The following KLRD1 variants were observed in gnomAD, a reference collection of about 807,000 sequenced individuals.
The protein encoded by KLRD1 is killer cell lectin like receptor D1.
Under a neutral mutation model 22.6 loss-of-function variants are expected in KLRD1, and 21 were observed. The ratio of observed to expected loss-of-function variants is 0.93; its 90% CI spans 0.66 to 1.34. The LOEUF is 1.34. Ranked by LOEUF, KLRD1 falls within the 40% of genes most tolerant of loss-of-function variation. The pLI is 0.00. For synonymous variants in KLRD1, 59 were observed against 71.1 expected, an observed-to-expected ratio of 0.83 and a Z score of 0.85; for missense variants, 183 against 208.6, an observed-to-expected ratio of 0.88 and a Z score of 0.76.
intron 1 of KLRD1, among the ~76,000 whole-genome samples, chr12:10,256,574 G>A (rs1949398456): frequency 1.3e-5 from 2 of 150,950 alleles, no homozygotes; most frequent in Admixed American, 6.6e-5. Flanking sequence ...AACTTCAGTG[G>A]CAAACTAAAA....
At position 10,274,219 on chromosome 12, in the gene KLRD1, G is replaced by A. The variant is rs149653488; in HGVS notation, c.-100-33759G>A. Among the ~76,000 whole-genome samples, 266 of 152,282 alleles carry A rather than the reference G, an allele frequency of 1.7e-3. 5 individuals carry two copies. The East Asian group carries it at 0.048, about 28-fold the overall frequency. On this transcript the variant is annotated intron_variant, in intron 1 of 5. Coordinates refer to the KLRD1 transcript ENST00000544747. ...CGCTTGAACCCGGGAGGCAGAGGTT[G>A]TAGTGAGCTGAGATCGCGCCATTGC...
At chr12:10,240,939 A>G (rs1949235713) in intron 1 of KLRD1, among the ~76,000 whole-genome samples, 1 of 152,104 alleles carries the variant, frequency 6.6e-6, no homozygotes, top group African/African-American at 2.4e-5. Context: ...GCACCTCCGT[A>G]TGTAGTTCAA....
intron 2 of KLRD1, 70 bp from the exon 3 acceptor site, chr12:10,309,556 C>T: frequency 7.7e-7 from 1 of 1,292,060 alleles, no homozygotes; most frequent in South Asian, 1.2e-5. Context: ...CTTCATCTTG[C>T]TAATGTGTAA....
At chr12:10,311,742 A>G (rs1168308244) in intron 4 of KLRD1, 127 bp downstream of exon 4, 5 of 781,430 alleles carry the variant, frequency 6.4e-6, no homozygotes, top group African/African-American at 1.7e-5. Context: ...GAATTGAGTT[A>G]TCTGTTCTGT....
At chr12:10,266,899 G>T (rs1456883082) in intron 1 of KLRD1, among the ~76,000 whole-genome samples, 2 of 138,106 alleles carry the variant, frequency 1.4e-5, no homozygotes, top group African/African-American at 2.7e-5. Flanking sequence ...AATAATTCCA[G>T]CATTTATTAC....
intron 1 of KLRD1, among the ~76,000 whole-genome samples, chr12:10,240,412 C>T (rs1486191217): frequency 6.6e-6 from 1 of 151,590 alleles, no homozygotes; most frequent in Non-Finnish European, 1.5e-5. Context: ...CATTGTTCAG[C>T]TTCATGCCAT....
intron 1 of KLRD1, among the ~76,000 whole-genome samples, chr12:10,239,601 C>A (rs1341937945): frequency 8.1e-6 from 1 of 123,772 alleles, no homozygotes; most frequent in African/African-American, 3.0e-5. Context: ...TTCTTTCTTT[C>A]TCTCTCTTTC....
At position 10,309,614 on chromosome 12, in the gene KLRD1, C is replaced by T; in HGVS notation, c.101-12C>T. 6.3e-7 allele frequency: 1 copy of T among 1,598,434 alleles called. No individual in the cohort carries two copies. Among genetic ancestry groups the T allele is most frequent in the Non-Finnish European group, 8.6e-7 (1 of 1,166,416 alleles). ...ATACCTAATTAAACAAATTTCTAAT[C>T]ATTTCTTATAGCTTTTACTAAACTG... is the stretch of plus-strand genomic sequence containing the variant. On this transcript the variant is annotated splice_polypyrimidine_tract_variant and intron_variant, in intron 2 of 5. Transcript: ENST00000336164.
chr12:10,256,075 A>T (rs1162574074), intron 1 of KLRD1, among the ~76,000 whole-genome samples: 1 of 152,004 alleles, frequency 6.6e-6, no homozygotes, highest in African/African-American at 2.4e-5. Flanking sequence ...AATATATGAT[A>T]TTCTTTGTCT....
At chr12:10,247,956 G>A (rs1375729518) in intron 1 of KLRD1, among the ~76,000 whole-genome samples, 2 of 152,136 alleles carry the variant, frequency 1.3e-5, no homozygotes, top group Non-Finnish European at 2.9e-5. Context: ...AGCAGCATGA[G>A]TACGGACTAA....
intron 1 of KLRD1, among the ~76,000 whole-genome samples, chr12:10,268,199 T>G (rs1293534150): frequency 6.6e-6 from 1 of 152,160 alleles, no homozygotes; most frequent in East Asian, 1.9e-4. Context: ...AGTGCAGATG[T>G]GGAGAATTAC....
At chr12:10,268,314 G>A (rs1349590212) in intron 1 of KLRD1, among the ~76,000 whole-genome samples, 5 of 152,186 alleles carry the variant, frequency 3.3e-5, no homozygotes, top group Non-Finnish European at 5.9e-5. Flanking sequence ...TAAGTTAACA[G>A]TATTAAAGTA....
intron 1 of KLRD1, among the ~76,000 whole-genome samples, chr12:10,246,766 T>A (rs546662003): frequency 6.6e-5 from 10 of 152,288 alleles, no homozygotes; most frequent in South Asian, 2.1e-4. Flanking sequence ...TGAGGTTTTT[T>A]AATTTGTTTT....
At chr12:10,267,633 C>T (rs998426946) in intron 1 of KLRD1, among the ~76,000 whole-genome samples, 6 of 152,150 alleles carry the variant, frequency 3.9e-5, no homozygotes, top group East Asian at 1.9e-4. Context: ...AGAAATTTGG[C>T]GTAATTATAA....
upstream of KLRD1, among the ~76,000 whole-genome samples, chr12:10,307,038 A>T (rs757299147): frequency 6.6e-5 from 10 of 152,154 alleles, no homozygotes; most frequent in Non-Finnish European, 1.0e-4. Context: ...TAAATCATGG[A>T]TCGAAATCTC....
chr12:10,310,999 T>A (rs1482132756), intron 3 of KLRD1, among the ~76,000 whole-genome samples: 1 of 152,192 alleles, frequency 6.6e-6, no homozygotes, highest in Non-Finnish European at 1.5e-5. Context: ...TATATCAAAA[T>A]TCTCCAAATG....
rs1026687588 is a variant in KLRD1 at position 10,325,107 on chromosome 12, T to A, written c.*10314T>A. The A allele has an allele frequency of 2.0e-5, 3 of 151,832 alleles. No individual in the cohort carries two copies. The highest frequency in any genetic ancestry group is 7.2e-5 in the African/African-American group (3 of 41,384). The allele number at this position is 151,832 out of a possible 1,614,324, so 9.4% of individuals were successfully genotyped here. A position where few individuals can be genotyped will look rare whatever the true frequency, so the allele number is the denominator to read the frequency against. On this transcript the variant is annotated 3_prime_UTR_variant, in exon 6 of 6. Coordinates refer to ENST00000336164, the MANE Select transcript of KLRD1 (RefSeq NM_002262.5). ...TTGATCTTAGAGCATGAATATTCAC[T>A]TTTTTTACCTTTATACTTAATTTTA... is the stretch of plus-strand genomic sequence containing the variant.
chr12:10,288,033 A>C (rs1846367053), intron 1 of KLRD1, among the ~76,000 whole-genome samples: 1 of 149,854 alleles, frequency 6.7e-6, no homozygotes, highest in Non-Finnish European at 1.5e-5. Flanking sequence ...GCACCACTGC[A>C]CTCCAGTCTG....
At chr12:10,291,759 A>C (rs553514720) in intron 1 of KLRD1, among the ~76,000 whole-genome samples, 21 of 152,012 alleles carry the variant, frequency 1.4e-4, no homozygotes, top group Non-Finnish European at 2.9e-4. Context: ...CCCTACATGC[A>C]TTAGGTATTT....
Sources: gnomAD v4.1 joint callset for allele counts (sites outside exome capture counted in the v4.1 genomes callset) on GRCh38, gnomAD v4.1.1 for gene constraint, MANE v1.5 for transcripts, NCBI Gene and HGNC (gene_info 2026-07-23, HGNC 2026-07-21) for gene names.